PAX3: variants seen among roughly 807,000 people sequenced by gnomAD.
PAX3 encodes the protein paired box 3, also known as paired box protein Pax-3.
In PAX3, 14 loss-of-function variants were observed where a neutral mutation model predicts 51.6. The ratio of observed to expected loss-of-function variants is 0.27; its 90% CI spans 0.18 to 0.42. The LOEUF is 0.42. PAX3 is among the 10% of genes least tolerant of loss of function. The probability of loss-of-function intolerance (pLI) is 1.00; values close to 1 mark genes in which losing one functional copy is unlikely to be tolerated. For synonymous variants in PAX3, 280 were observed against 253.4 expected (o/e 1.11, Z -1.00); for missense variants, 540 against 642.8 (o/e 0.84, Z 1.73).
At chr2:222,290,013 C>T (rs1169324802) in intron 4 of PAX3, among the ~76,000 whole-genome samples, 1 of 152,096 alleles carries the variant, frequency 6.6e-6, no homozygotes, top group African/African-American at 2.4e-5. Flanking sequence ...TGATCTTATA[C>T]CCAATGATTT....
At chr2:222,243,158 A>T (rs1559280451) in intron 4 of PAX3, among the ~76,000 whole-genome samples, 1 of 152,180 alleles carries the variant, frequency 6.6e-6, no homozygotes, top group Non-Finnish European at 1.5e-5. Flanking sequence ...TTGGAAAATA[A>T]AAAAAAGGCA....
Position 222,293,811 on chromosome 2 carries a change from C to T in PAX3, c.586+356G>A, listed in dbSNP as rs532473900. On this transcript the variant is annotated intron_variant, in intron 4 of 8. Coordinates refer to ENST00000392070, the MANE Select transcript of PAX3 (RefSeq NM_181458.4). ...TGAAGATTCAAGTACCCTCTATCCC[C>T]GGCCCTACAATTGCTCAGAGATGCC... is the stretch of plus-strand genomic sequence containing the variant. The T allele has an allele frequency of 4.3e-5, 69 of 1,614,020 alleles. No homozygotes were observed. In the East Asian group the frequency reaches 6.7e-4, roughly 16 times the overall value.
chr2:222,208,537 G>T (rs1015256768), intron 7 of PAX3, among the ~76,000 whole-genome samples: 5 of 152,088 alleles, frequency 3.3e-5, no homozygotes, highest in African/African-American at 1.2e-4. Context: ...AAACAGATGT[G>T]GGTCAGATAC....
intron 4 of PAX3, among the ~76,000 whole-genome samples, chr2:222,289,900 A>G (rs1291604515): frequency 6.6e-6 from 1 of 152,252 alleles, no homozygotes; most frequent in Non-Finnish European, 1.5e-5. Context: ...TTTTCTCTAT[A>G]GAATCGAAAC....
At chr2:222,252,420 C>T (rs1430658) in intron 4 of PAX3, among the ~76,000 whole-genome samples, 13,356 of 152,110 alleles carry the variant, frequency 0.088, 975 homozygotes, top group Admixed American at 0.23. Context: ...ATTGAAAAAA[C>T]GAGGCTCAGA....
At chr2:222,208,103 A>C (rs1479001906) in intron 7 of PAX3, among the ~76,000 whole-genome samples, 1 of 152,000 alleles carries the variant, frequency 6.6e-6, no homozygotes, top group Non-Finnish European at 1.5e-5. Context: ...GAAAAAGTTC[A>C]TTCCACCTAA....
In PAX3 at chr2:222,240,664, C is replaced by T. The variant is rs534139329; in HGVS notation, c.587-8381G>A. On this transcript the variant is annotated intron_variant, in intron 4 of 8. Coordinates refer to ENST00000392070, the MANE Select transcript of PAX3 (RefSeq NM_181458.4). ...AGGAGCCACAAAATACCCACCAACC[C>T]GTACCTGTTTAAGCAACTCCTTTCG... Among the ~76,000 whole-genome samples the T allele has an allele frequency of 2.6e-5, 4 of 152,254 alleles. No individual in the cohort carries two copies. In the East Asian group the frequency reaches 7.7e-4, roughly 29 times the overall value.
chr2:222,221,435 T>A (rs545360222), intron 5 of PAX3, 48 bp from the exon 6 acceptor site: 2 of 1,519,386 alleles, frequency 1.3e-6, no homozygotes, highest in African/African-American at 2.7e-5. Flanking sequence ...GAAATAATAG[T>A]ACATTCTTAA....
chr2:222,234,906 C>A, intron 4 of PAX3, among the ~76,000 whole-genome samples: 1 of 152,164 alleles, frequency 6.6e-6, no homozygotes, highest in East Asian at 1.9e-4. Context: ...AGTTTCTAAC[C>A]TTTCTTTCCA....
intron 4 of PAX3, among the ~76,000 whole-genome samples, chr2:222,245,209 T>G (rs989124439): frequency 1.3e-5 from 2 of 152,116 alleles, no homozygotes; most frequent in East Asian, 1.9e-4. Context: ...ATAAATTCAG[T>G]GCTCCCAAAT....
At chr2:222,239,415 C>G (rs1034015730) in intron 4 of PAX3, among the ~76,000 whole-genome samples, 18 of 151,916 alleles carry the variant, frequency 1.2e-4, no homozygotes, top group Admixed American at 7.9e-4. Flanking sequence ...GACTTCAGCA[C>G]CTGGAAGCTT....
At chr2:222,274,119 C>G (rs1694340749) in intron 4 of PAX3, among the ~76,000 whole-genome samples, 1 of 152,272 alleles carries the variant, frequency 6.6e-6, no homozygotes, top group East Asian at 1.9e-4. Context: ...GCTCCCTCTC[C>G]TCTCAAATGC....
chr2:222,277,015 C>T (rs1279201265), intron 4 of PAX3, among the ~76,000 whole-genome samples: 1 of 152,174 alleles, frequency 6.6e-6, no homozygotes, highest in Non-Finnish European at 1.5e-5. Flanking sequence ...TAGTATGTGG[C>T]TGTTACATGG....
intron 3 of PAX3, among the ~76,000 whole-genome samples, chr2:222,295,263 C>T (rs1026426014): frequency 6.6e-6 from 1 of 152,226 alleles, no homozygotes; most frequent in Non-Finnish European, 1.5e-5. Context: ...CTCCGCCTCA[C>T]GTTTCCTGCC....
At chr2:222,238,297 C>A (rs1692876640) in intron 4 of PAX3, among the ~76,000 whole-genome samples, 2 of 152,144 alleles carry the variant, frequency 1.3e-5, no homozygotes, top group Non-Finnish European at 2.9e-5. Context: ...CTTGTGACCT[C>A]CTCTGTAGCC....
chr2:222,234,233 A>C (rs1163291421), intron 4 of PAX3, among the ~76,000 whole-genome samples: 1 of 152,156 alleles, frequency 6.6e-6, no homozygotes, highest in Non-Finnish European at 1.5e-5. Flanking sequence ...TGCATAAAAC[A>C]AAAGAGAAGT....
chr2:222,273,854 A>G (rs1363160483), intron 4 of PAX3, among the ~76,000 whole-genome samples: 1 of 152,108 alleles, frequency 6.6e-6, no homozygotes, highest in Non-Finnish European at 1.5e-5. Context: ...CGACTAAAAC[A>G]TGGCAAATTC....
At chr2:222,246,963 G>C (rs1693251000) in intron 4 of PAX3, among the ~76,000 whole-genome samples, 1 of 152,172 alleles carries the variant, frequency 6.6e-6, no homozygotes, top group Non-Finnish European at 1.5e-5. Context: ...CTCTATATGA[G>C]GGCTGAGACA....
chr2:222,233,137 T>C (rs1329443523), intron 4 of PAX3: 1 of 137,676 alleles, frequency 7.3e-6, no homozygotes, highest in Non-Finnish European at 1.5e-5. Context: ...AAAAATATTA[T>C]GAGTTTCAAG....
Sources: allele counts gnomAD v4.1 joint callset (sites outside exome capture counted in the v4.1 genomes callset), GRCh38; gene constraint gnomAD v4.1.1; transcripts MANE v1.5; gene names NCBI Gene and HGNC (gene_info 2026-07-23, HGNC 2026-07-21).